SMG1: variants seen among roughly 807,000 people sequenced by gnomAD.
The protein encoded by SMG1 is SMG1 nonsense mediated mRNA decay associated PI3K related kinase, also known as serine/threonine-protein kinase SMG1.
In SMG1, 22 loss-of-function variants were observed where a neutral mutation model predicts 419.9. The ratio of observed to expected loss-of-function variants is 0.05; its 90% CI spans 0.04 to 0.07. The LOEUF is 0.07. Ranked by LOEUF, SMG1 falls within the 10% of genes least tolerant of loss-of-function variation. The pLI is 1.00. For missense variants in SMG1, 3,185 were observed against 4,342.0 expected, an observed-to-expected ratio of 0.73 and a Z score of 7.49; for synonymous variants, 1,538 against 1,553.5, an observed-to-expected ratio of 0.99 and a Z score of 0.23.
chr16:18,850,188 T>C (rs1200143069), intron 34 of SMG1, 49 bp downstream of exon 34: 1 of 1,582,160 alleles, frequency 6.3e-7, no homozygotes, highest in Non-Finnish European at 8.6e-7. Context: ...TTTTGTTTAA[T>C]AAGAAAAAGT....
In SMG1 at chr16:18,835,087, C is replaced by T. The variant is rs779106962; in HGVS notation, c.8135G>A (p.Arg2712Gln). The T allele has an allele frequency of 3.7e-6, 6 of 1,613,988 alleles. No individual in the cohort carries two copies. The highest frequency in any genetic ancestry group is 2.2e-5 in the East Asian group (1 of 44,870). Residue 2712 changes from arginine (R) to glutamine (Q), a missense_variant, in exon 49 of 63, where the codon CGA becomes CAA. Physicochemically the swap from Arg to Gln is conservative, Grantham distance 43 (BLOSUM62 1). Around this residue, in one of 27 missense-constraint regions of SMG1, gnomAD observed 412 missense variants for 546.6 expected, o/e 0.75. Coordinates refer to ENST00000446231, the MANE Select transcript of SMG1 (RefSeq NM_015092.5). ...FITATEMTLQRYAADINSRLI... is the reference protein window; with the variant it reads ...FITATEMTLQQYAADINSRLI... ...TCTGCTGTTGATGTCTGCTGCGTAT[C>T]GCTGCAGGGTCATTTCAGTGGCAGT...
chr16:18,916,797 C>T (rs57231970), intron 1 of SMG1, among the ~76,000 whole-genome samples: 13,541 of 151,988 alleles, frequency 0.089, 752 homozygotes, highest in African/African-American at 0.16. Context: ...AAAATAATGA[C>T]AACATGAAAA....
intron 58 of SMG1, 99 bp downstream of exon 58, chr16:18,816,203 T>G (rs1284902323): frequency 1.1e-6 from 1 of 930,352 alleles, no homozygotes; most frequent in Non-Finnish European, 1.6e-6. Flanking sequence ...TGAGATAAAT[T>G]GTTATTTACA....
chr16:18,839,846 A>T lies in SMG1; in HGVS notation c.6797T>A (p.Leu2266His). ...KIGPALKTVGLSLDVSRRDWP... is the reference protein window; with the variant it reads ...KIGPALKTVGHSLDVSRRDWP... Reference sequence around the variant, plus strand: ...ATCCCGACGGGACACATCCAGGCTAAGCCCAACTGTTTTCAAAGCAGGGCC... The same window carrying T: ...ATCCCGACGGGACACATCCAGGCTATGCCCAACTGTTTTCAAAGCAGGGCC... Residue 2266 changes from leucine to histidine, a missense_variant, in exon 42 of 63, where the codon CTT (leucine) becomes CAT (histidine). By Grantham distance (99) the Leu-to-His change is moderately conservative. This residue lies in a region of SMG1 where 132 missense variants were observed against 151.0 expected (regional missense o/e 0.87). Coordinates refer to ENST00000446231, the MANE Select transcript of SMG1 (RefSeq NM_015092.5). The T allele has an allele frequency of 6.2e-7, 1 of 1,613,932 alleles. No homozygotes were observed. The highest frequency in any genetic ancestry group is 2.2e-5 in the East Asian group (1 of 44,874).
intron 40 of SMG1, 21 bp from the exon 41 acceptor site, chr16:18,841,815 T>C (rs1226905323): frequency 1.3e-6 from 2 of 1,595,046 alleles, no homozygotes; most frequent in Non-Finnish European, 8.6e-7. Context: ...AAAATTAAAA[T>C]AGCTAGGATA....
intron 1 of SMG1, 85 bp from the exon 2 acceptor site, chr16:18,897,041 T>C (rs1358140625): frequency 7.3e-6 from 7 of 954,974 alleles, no homozygotes; most frequent in Non-Finnish European, 1.1e-5. Context: ...CTCCCAAATT[T>C]TACATTTAAC....
At chr16:18,885,515 T>C in intron 7 of SMG1, 26 bp downstream of exon 7, 1 of 1,595,750 alleles carries the variant, frequency 6.3e-7, no homozygotes, top group Non-Finnish European at 8.5e-7. Context: ...CACCCCATGA[T>C]CTGAAAAGCG....
intron 44 of SMG1, 36 bp from the exon 45 acceptor site, chr16:18,838,268 A>G (rs754219860): frequency 2.5e-6 from 4 of 1,609,914 alleles, no homozygotes; most frequent in Non-Finnish European, 1.7e-6. Flanking sequence ...AAGGTCTGCC[A>G]CAAGTTTCAT....
chr16:18,836,292 C>T (rs753465424), intron 47 of SMG1, 68 bp downstream of exon 47: 385 of 1,590,184 alleles, frequency 2.4e-4, no homozygotes, highest in Admixed American at 9.5e-4. Flanking sequence ...AACCAGGACC[C>T]CACACAAACA....
intron 51 of SMG1, among the ~76,000 whole-genome samples, chr16:18,831,578 T>C (rs946318613): frequency 6.6e-6 from 1 of 151,934 alleles, no homozygotes; most frequent in African/African-American, 2.4e-5. Context: ...AATAATCTAA[T>C]ATTTATGCTA....
chr16:18,864,357 G>A (rs755837360), intron 23 of SMG1, among the ~76,000 whole-genome samples: 2 of 151,670 alleles, frequency 1.3e-5, no homozygotes, highest in Non-Finnish European at 2.9e-5. Context: ...CACCATGCCC[G>A]GCTAATTTTC....
rs559765824 is a variant in SMG1 at position 18,916,150 on chromosome 16, A to G, written c.92+9800T>C. ...TACATAAATTTTATCTCAAAGAAGC[A>G]CCACAATAGAATTCAAAAGAGAATT... On this transcript the variant is annotated intron_variant, in intron 1 of 62. Transcript: ENST00000446231. 6.0e-5 allele frequency among the ~76,000 whole-genome samples: 9 copies of G among 150,486 alleles called. No homozygotes were observed. In the East Asian group the frequency reaches 1.8e-3, roughly 30 times the overall value.
At chr16:18,859,892 C>G (rs1445970919) in intron 26 of SMG1, among the ~76,000 whole-genome samples, 189 bp from the exon 27 acceptor site, 2 of 152,018 alleles carry the variant, frequency 1.3e-5, no homozygotes, top group African/African-American at 4.8e-5. Context: ...TACCTCAGAC[C>G]CCTAAAAAGC....
intron 1 of SMG1, among the ~76,000 whole-genome samples, chr16:18,909,210 T>C (rs1273138372): frequency 6.7e-6 from 1 of 150,236 alleles, no homozygotes; most frequent in Non-Finnish European, 1.5e-5. Flanking sequence ...GGTGTGGTGG[T>C]GCATGCCTGT....
In SMG1 at chr16:18,917,213, C is replaced by T. The variant is rs183250544; in HGVS notation, c.92+8737G>A. Among the ~76,000 whole-genome samples, 4 of 152,158 alleles carry T rather than the reference C, an allele frequency of 2.6e-5. No homozygotes were observed. In the East Asian group the frequency reaches 7.8e-4, roughly 30 times the overall value. On this transcript the variant is annotated intron_variant, in intron 1 of 62. Transcript: ENST00000446231. ...TGTTGCCCAGGCTGGAGTACAATGGCCCGATCTCGGCTCACCACAACCTCC... is the reference window on the plus strand; with the variant it reads ...TGTTGCCCAGGCTGGAGTACAATGGTCCGATCTCGGCTCACCACAACCTCC...
chr16:18,874,185 C>A (rs759868539), intron 13 of SMG1, among the ~76,000 whole-genome samples: 1 of 152,094 alleles, frequency 6.6e-6, no homozygotes, highest in East Asian at 1.9e-4. Flanking sequence ...GTCGCCCAGA[C>A]TGGAGTGCAG....
chr16:18,880,361 A>G (rs1014660133), intron 10 of SMG1, among the ~76,000 whole-genome samples: 4 of 152,178 alleles, frequency 2.6e-5, no homozygotes, highest in South Asian at 2.1e-4. Flanking sequence ...TATTTCTATA[A>G]TATTTAACAA....
chr16:18,815,611 T>C lies in SMG1; in HGVS notation c.10343A>G (p.Tyr3448Cys), dbSNP rs542805603. Residue 3448 changes from tyrosine (Y) to cysteine (C), a missense_variant, in exon 59 of 63, where the codon TAT (tyrosine) becomes TGT (cysteine). By Grantham distance (194) the Tyr-to-Cys change is radical (BLOSUM62 -2). Transcript: ENST00000446231. The part of the protein sequence containing the change: ...AALADGEDVP[Y>C]ENSVRQFLGE... ...CAAAAACTGCCTAACACTGTTCTCATAGGGAACATCTTCACCATCTGCCAG... is the reference window on the plus strand; with the variant it reads ...CAAAAACTGCCTAACACTGTTCTCACAGGGAACATCTTCACCATCTGCCAG... 27 of 1,613,972 alleles carry C rather than the reference T, an allele frequency of 1.7e-5. No individual in the cohort carries two copies. Among genetic ancestry groups the C allele is most frequent in the Admixed American group, 3.3e-5 (2 of 60,026 alleles).
chr16:18,885,257 C>G (rs1386460418), intron 7 of SMG1, 95 bp from the exon 8 acceptor site: 35 of 658,552 alleles, frequency 5.3e-5, no homozygotes, highest in Non-Finnish European at 1.0e-5. Context: ...CTAAAAGGAG[C>G]ATCTATGTTC....
Sources: gnomAD v4.1 joint callset for allele counts (sites outside exome capture counted in the v4.1 genomes callset) on GRCh38, gnomAD v4.1.1 for gene constraint, gnomAD v4.1.1 regional missense constraint, MANE v1.5 for transcripts, NCBI Gene and HGNC (gene_info 2026-07-23, HGNC 2026-07-21) for gene names.